TUT4: variants seen among roughly 807,000 people sequenced by gnomAD.
The protein encoded by TUT4 is terminal uridylyltransferase 4.
TUT4 carries 36 observed loss-of-function variants against 192.2 expected under a neutral mutation model. The observed-to-expected ratio is 0.19, with a 90% CI of 0.14 to 0.25. The LOEUF is 0.25. Among genes scored for constraint, TUT4 ranks in the 10% least tolerant of loss-of-function variants. TUT4 has a pLI of 1.00. For synonymous variants in TUT4, 618 were observed against 666.0 expected (o/e 0.93, Z 1.11); for missense variants, 1,493 against 1,957.2 (o/e 0.76, Z 4.47).
At chr1:52,444,270 C>T (rs533346051) in intron 24 of TUT4, among the ~76,000 whole-genome samples, 2 of 152,058 alleles carry the variant, frequency 1.3e-5, no homozygotes, top group South Asian at 4.1e-4. Context: ...TTCCTTTTTT[C>T]AGTAATTTCG....
rs1264242258 is a variant in TUT4 at position 52,431,724 on chromosome 1, T to C, written c.4264-264A>G. On this transcript the variant is annotated intron_variant, in intron 27 of 29. Transcript: ENST00000257177. The stretch of plus-strand genomic sequence containing the variant: ...ATACTTCCTATTGCAAACTCAAAAC[T>C]TCCATCTAAATATCTCATAGTCACT... 8.6e-5 allele frequency: 20 copies of C among 232,978 alleles called. No homozygotes were observed. In the East Asian group the frequency reaches 1.7e-3, roughly 20 times the overall value. The allele number at this position is 232,978 out of a possible 1,614,324, so 14.4% of individuals were successfully genotyped here. A position where few individuals can be genotyped will look rare whatever the true frequency, so the allele number is the denominator to read the frequency against.
chr1:52,459,111 C>A (rs772812673), intron 19 of TUT4, among the ~76,000 whole-genome samples: 1 of 152,116 alleles, frequency 6.6e-6, no homozygotes, highest in Non-Finnish European at 1.5e-5. Flanking sequence ...CACGGTGAAA[C>A]CCCATCTCTA....
At chr1:52,542,238 G>A (rs1686893557) in intron 1 of TUT4, among the ~76,000 whole-genome samples, 1 of 152,190 alleles carries the variant, frequency 6.6e-6, no homozygotes. Flanking sequence ...GTTTCAGCTT[G>A]GGAAAATGGA....
chr1:52,452,857 G>C (rs531543618), intron 20 of TUT4, among the ~76,000 whole-genome samples: 1 of 152,324 alleles, frequency 6.6e-6, no homozygotes, highest in East Asian at 1.9e-4. Flanking sequence ...TGGTCAGTCA[G>C]AAGTTCTGGA....
At chr1:52,527,774 C>T (rs193241788) in intron 1 of TUT4, among the ~76,000 whole-genome samples, 74 of 152,208 alleles carry the variant, frequency 4.9e-4, no homozygotes, top group African/African-American at 1.4e-3. Flanking sequence ...AAACATGCTA[C>T]TCTGGTGCCA....
intron 14 of TUT4, among the ~76,000 whole-genome samples, chr1:52,470,268 A>G (rs1251432696): frequency 1.3e-5 from 2 of 152,230 alleles, no homozygotes; most frequent in African/African-American, 2.4e-5. Flanking sequence ...GGCCAAAGCT[A>G]GAATAATCTG....
chr1:52,505,418 CTT>C (rs35140317), intron 4 of TUT4, among the ~76,000 whole-genome samples: 11 of 109,504 alleles, frequency 1.0e-4, no homozygotes, highest in Non-Finnish European at 8.9e-5. Flanking sequence ...TTTGCTTAGA[CTT>C]TTTTTTTTTT....
intron 24 of TUT4, among the ~76,000 whole-genome samples, chr1:52,445,284 T>C (rs1053994279): frequency 2.0e-5 from 3 of 152,090 alleles, no homozygotes; most frequent in African/African-American, 7.2e-5. Flanking sequence ...CTCGGTTCCA[T>C]GCCATCTAAT....
chr1:52,532,169 T>A (rs1302954391), intron 1 of TUT4, among the ~76,000 whole-genome samples: 1 of 152,024 alleles, frequency 6.6e-6, no homozygotes, highest in Non-Finnish European at 1.5e-5. Context: ...CTGCCTCTAA[T>A]CTGTTTTTAA....
In TUT4 at chr1:52,493,623, A is replaced by G. The variant is rs1221893881; in HGVS notation, c.1306T>C (p.Leu436=). ...AAAAGAAACTCACCATTTTTCTTTA[A>G]AATCCCAAGTACTTTTATCAGAAGA... is the stretch of plus-strand genomic sequence containing the variant. The part of the protein sequence containing the change: ...PDLLIKVLGI[L]KKNVLYVDVE... Residue 436 remains leucine (L), a synonymous_variant, in exon 7 of 30, where the codon TTA becomes CTA. Coordinates refer to ENST00000257177, the MANE Select transcript of TUT4 (RefSeq NM_001009881.3). 3 of 1,496,652 alleles carry G rather than the reference A, an allele frequency of 2.0e-6. No individual in the cohort carries two copies. In the African/African-American group the frequency reaches 4.3e-5, roughly 21 times the overall value. The allele number at this position is 1,496,652 out of a possible 1,614,324, so 92.7% of individuals were successfully genotyped here. A position where few individuals can be genotyped will look rare whatever the true frequency, so the allele number is the denominator to read the frequency against.
intron 13 of TUT4, among the ~76,000 whole-genome samples, chr1:52,472,784 T>C (rs1056136396): frequency 2.0e-5 from 3 of 152,076 alleles, no homozygotes; most frequent in African/African-American, 4.8e-5. Flanking sequence ...CAAAAATTTA[T>C]GCCAACTCAA....
At chr1:52,442,562 C>T (rs1655981060) in intron 24 of TUT4, among the ~76,000 whole-genome samples, 1 of 152,068 alleles carries the variant, frequency 6.6e-6, no homozygotes, top group Non-Finnish European at 1.5e-5. Context: ...ACATTTATAC[C>T]AGCTGAGCAC....
chr1:52,471,439 T>G (rs1164231042), intron 14 of TUT4, among the ~76,000 whole-genome samples: 1 of 152,220 alleles, frequency 6.6e-6, no homozygotes, highest in African/African-American at 2.4e-5. Context: ...ACACTGCGTT[T>G]TGTTTACCAC....
At position 52,477,195 on chromosome 1, in the gene TUT4, TACTG is replaced by T. The variant is rs200613046; in HGVS notation, c.2023+509_2023+512del. ...TTTTCAACATTTAAAAAATGCTAAT[TACTG>T]ACCTTAACCATATATGGCAGAAATC... On this transcript the variant is annotated intron_variant, in intron 12 of 29. Transcript: ENST00000257177. 2.6e-5 allele frequency among the ~76,000 whole-genome samples: 4 copies of T among 152,306 alleles called. No homozygotes were observed. In the East Asian group the frequency reaches 7.7e-4, roughly 29 times the overall value.
At chr1:52,523,355 C>T (rs1680817469) in intron 2 of TUT4, among the ~76,000 whole-genome samples, 1 of 152,108 alleles carries the variant, frequency 6.6e-6, no homozygotes, top group Admixed American at 6.5e-5. Flanking sequence ...CCTGTAATCC[C>T]AGCACTTTGG....
intron 1 of TUT4, among the ~76,000 whole-genome samples, chr1:52,527,754 C>T (rs1222897187): frequency 1.3e-5 from 2 of 152,066 alleles, no homozygotes; most frequent in Admixed American, 1.3e-4. Context: ...GTAGGTTCAT[C>T]CACTGTAATA....
chr1:52,454,767 G>A (rs1660391011), intron 20 of TUT4, among the ~76,000 whole-genome samples: 1 of 151,998 alleles, frequency 6.6e-6, no homozygotes. Context: ...CAACGTCAAG[G>A]GAATGAAAAA....
Position 52,461,130 on chromosome 1 carries a change from A to G in TUT4, c.3321+4T>C. The G allele has an allele frequency of 6.4e-7, 1 of 1,559,958 alleles. No individual in the cohort carries two copies. Among genetic ancestry groups the G allele is most frequent in the Non-Finnish European group, 8.7e-7 (1 of 1,151,264 alleles). ...AAGCAGATCATTAATTTTTTCATAA[A>G]TACCTTAGCAAACACTTTCATAGTA... On this transcript the variant is annotated splice_donor_region_variant and intron_variant, in intron 19 of 29. Transcript: ENST00000257177.
intron 15 of TUT4, among the ~76,000 whole-genome samples, chr1:52,467,728 T>C (rs896619059): frequency 6.6e-6 from 1 of 152,192 alleles, no homozygotes; most frequent in Non-Finnish European, 1.5e-5. Flanking sequence ...CTTCTATACA[T>C]TACAATCTAC....
Sources: allele counts gnomAD v4.1 joint callset (sites outside exome capture counted in the v4.1 genomes callset), GRCh38; gene constraint gnomAD v4.1.1; transcripts MANE v1.5; gene names NCBI Gene and HGNC (gene_info 2026-07-23, HGNC 2026-07-21).